Variants in PTP4A3 observed in about 807,000 individuals in gnomAD.
The protein encoded by PTP4A3 is protein tyrosine phosphatase type IVA 3.
PTP4A3 carries 9 observed loss-of-function variants against 15.2 expected under a neutral mutation model. That is an observed-to-expected ratio of 0.59 (90% confidence interval 0.36 to 1.03). PTP4A3 has a LOEUF of 1.03. PTP4A3 is among the 50% of genes least tolerant of loss of function. PTP4A3 has a pLI of 0.02. For missense variants in PTP4A3, 234 were observed against 252.1 expected, an observed-to-expected ratio of 0.93 and a Z score of 0.49; for synonymous variants, 95 against 102.0, an observed-to-expected ratio of 0.93 and a Z score of 0.41.
chr8:141,431,507 A>C lies in PTP4A3; in HGVS notation c.*463A>C. The C allele has an allele frequency of 6.4e-6, 1 of 156,018 alleles. No homozygotes were observed. Among genetic ancestry groups the C allele is most frequent in the Non-Finnish European group, 1.4e-5 (1 of 70,742 alleles). The allele number at this position is 156,018 out of a possible 1,614,324, so 9.7% of individuals were successfully genotyped here. On this transcript the variant is annotated 3_prime_UTR_variant, in exon 6 of 6. Transcript: ENST00000521578. ...GTGCTCCGGACACCCGAAGGCAATA[A>C]AACAGGAGCCGTGGCCGTGTGTGTG... is the stretch of plus-strand genomic sequence containing the variant.
chr8:141,407,228 C>A (rs1205778419), intron 1 of PTP4A3, among the ~76,000 whole-genome samples: 1 of 152,248 alleles, frequency 6.6e-6, no homozygotes, highest in Non-Finnish European at 1.5e-5. Context: ...CACCTCCAGT[C>A]CCTCTCCTGC....
At chr8:141,403,273 C>T (rs1033913485) in intron 1 of PTP4A3, among the ~76,000 whole-genome samples, 10 of 152,168 alleles carry the variant, frequency 6.6e-5, no homozygotes, top group African/African-American at 2.4e-4. Context: ...GGCTGGGCAC[C>T]GTGTGTGCCG....
chr8:141,414,078 G>GTGTGCAGA (rs1204072113), intron 1 of PTP4A3, among the ~76,000 whole-genome samples: 1 of 152,232 alleles, frequency 6.6e-6, no homozygotes, highest in Non-Finnish European at 1.5e-5. Context: ...GTGTGTGTGT[G>GTGTGCAGA]TGTGTGCACG....
rs552538779 is a variant in PTP4A3, at chr8:141,397,683, G to A, written c.-854+5599G>A. 3.9e-5 allele frequency among the ~76,000 whole-genome samples: 6 copies of A among 152,342 alleles called. No homozygotes were observed. In the East Asian group the frequency reaches 9.6e-4, roughly 24 times the overall value. On this transcript the variant is annotated intron_variant, in intron 1 of 5. Transcript: ENST00000521578. ...AGTGCCTCGGTGGCTGTGGAGCCTG[G>A]TTTCGACCTCTTTGGGACCAGTGTT...
At chr8:141,416,939 C>T (rs1255774339) in intron 1 of PTP4A3, among the ~76,000 whole-genome samples, 1 of 152,110 alleles carries the variant, frequency 6.6e-6, no homozygotes, top group Non-Finnish European at 1.5e-5. Flanking sequence ...GCAAGCAGGG[C>T]CACACCTCCA....
intron 1 of PTP4A3, among the ~76,000 whole-genome samples, chr8:141,405,677 G>T (rs1314306750): frequency 3.3e-5 from 5 of 152,130 alleles, no homozygotes; most frequent in Admixed American, 6.6e-5. Flanking sequence ...GCTGTGGCCG[G>T]TCTCTTGTCC....
chr8:141,424,711 C>G (rs1833486034), intron 2 of PTP4A3, among the ~76,000 whole-genome samples: 1 of 152,142 alleles, frequency 6.6e-6, no homozygotes, highest in South Asian at 2.1e-4. Context: ...TTTGCCTCTG[C>G]TGGGTGGCCC....
rs978823649 is a variant in PTP4A3, at chr8:141,425,123, G to A, written c.181G>A (p.Asp61Asn). Reference protein sequence around the residue: ...VTYDKTPLEKDGITVVDWPFD... With the variant: ...VTYDKTPLEKNGITVVDWPFD... Reference sequence around the variant, plus strand: ...CTATGACAAAACGCCGCTGGAGAAGGATGGCATCACCGTTGTGGTGAGGCG... The same window carrying A: ...CTATGACAAAACGCCGCTGGAGAAGAATGGCATCACCGTTGTGGTGAGGCG... The change falls in exon 3 of 6, where the codon GAT (aspartate) becomes AAT (asparagine). Residue 61 changes from aspartate to asparagine, a missense_variant. By Grantham distance (23) the Asp-to-Asn change is conservative. Coordinates refer to ENST00000521578, the MANE Select transcript of PTP4A3 (RefSeq NM_032611.3). This position sits in a 1 kb window ranked among gnomAD's most constrained non-coding sequence, Gnocchi z 4.2. 5 of 1,589,770 alleles carry A rather than the reference G, an allele frequency of 3.1e-6. No homozygotes were observed. The African/African-American group carries it at 5.4e-5, about 17-fold the overall frequency.
Position 141,431,272 on chromosome 8 carries a change from T to TGGCG in PTP4A3, c.*230_*233dup, listed in dbSNP as rs1346309992. On this transcript the variant is annotated 3_prime_UTR_variant, in exon 6 of 6. Coordinates refer to ENST00000521578, the MANE Select transcript of PTP4A3 (RefSeq NM_032611.3). Reference sequence around the variant, plus strand: ...TTTCTCCTGTCTCCGCCACTCCCTCTGGCGGCGCTGGCCGTGGCTCTGTCT... The same window carrying TGGCG: ...TTTCTCCTGTCTCCGCCACTCCCTCTGGCGGGCGGCGCTGGCCGTGGCTCTGTCT... 1 of 565,756 alleles carries TGGCG rather than the reference T, an allele frequency of 1.8e-6. No homozygotes were observed. Among genetic ancestry groups the TGGCG allele is most frequent in the African/African-American group, 1.9e-5 (1 of 52,916 alleles). 35.0% of individuals were successfully genotyped at this position (565,756 alleles called of 1,614,324 possible).
chr8:141,410,577 G>A (rs1832844414), intron 1 of PTP4A3, among the ~76,000 whole-genome samples: 1 of 152,210 alleles, frequency 6.6e-6, no homozygotes, highest in Non-Finnish European at 1.5e-5. Flanking sequence ...TCTTGGAAAG[G>A]GTAATAATGT....
intron 1 of PTP4A3, among the ~76,000 whole-genome samples, chr8:141,418,320 C>T (rs977157128): frequency 9.9e-5 from 15 of 152,222 alleles, no homozygotes; most frequent in Admixed American, 7.8e-4. Context: ...ATTCAAACTT[C>T]TTAAGCTGCT....
chr8:141,392,846 T>C (rs1440727310), intron 1 of PTP4A3, among the ~76,000 whole-genome samples: 2 of 152,200 alleles, frequency 1.3e-5, no homozygotes, highest in African/African-American at 2.4e-5. Context: ...CCCTCTGTGA[T>C]AGCGGCTCCA....
At chr8:141,426,676 A>G in intron 3 of PTP4A3, 2 of 985,284 alleles carry the variant, frequency 2.0e-6, no homozygotes, top group Non-Finnish European at 2.4e-6. Flanking sequence ...TCTATTCAGA[A>G]AGGGGTGGGG....
At position 141,425,951 on chromosome 8, in the gene PTP4A3, C is replaced by T. The variant is rs1245557171; in HGVS notation, c.198+811C>T. ...ACTCCGAGCCTTGGGTTCCTCACCT[C>T]AAAGCGAGGCTGCTTGGAAGAATGG... On this transcript the variant is annotated intron_variant, in intron 3 of 5. Coordinates refer to ENST00000521578, the MANE Select transcript of PTP4A3 (RefSeq NM_032611.3). This position sits in a 1 kb window ranked among gnomAD's most constrained non-coding sequence, Gnocchi z 4.2. Among the ~76,000 whole-genome samples the T allele has an allele frequency of 2.6e-5, 4 of 152,210 alleles. No homozygotes were observed. The highest frequency in any genetic ancestry group is 2.4e-5 in the African/African-American group (1 of 41,456).
intron 1 of PTP4A3, among the ~76,000 whole-genome samples, chr8:141,409,478 C>T (rs185226533): frequency 2.0e-5 from 3 of 152,306 alleles, no homozygotes; most frequent in Admixed American, 6.5e-5. Context: ...ACCTCCTGCC[C>T]ACCCCTTCTG....
chr8:141,412,582 G>C (rs970641884), intron 1 of PTP4A3, among the ~76,000 whole-genome samples: 14 of 152,206 alleles, frequency 9.2e-5, no homozygotes, highest in African/African-American at 3.1e-4. Flanking sequence ...CCTCTTCTCC[G>C]TGGAGAGGCC....
chr8:141,427,348 C>T (rs963196280), intron 4 of PTP4A3, among the ~76,000 whole-genome samples: 7 of 152,162 alleles, frequency 4.6e-5, no homozygotes, highest in Non-Finnish European at 7.4e-5. Context: ...ACACAAAGAT[C>T]CCCCCACACA....
rs192934972 is a variant in PTP4A3, at chr8:141,412,365, C to T, written c.-853-9023C>T. Among the ~76,000 whole-genome samples, 50 of 152,228 alleles carry T rather than the reference C, an allele frequency of 3.3e-4. 1 individual carries two copies. Among genetic ancestry groups the T allele is most frequent in the South Asian group, 1.9e-3 (9 of 4,822 alleles). On this transcript the variant is annotated intron_variant, in intron 1 of 5. Coordinates refer to ENST00000521578, the MANE Select transcript of PTP4A3 (RefSeq NM_032611.3). ...AAGTGAGCATGGGTGGCTGGGTGGGCGTGAGGGATTGGCTCCCCTGCTAGA... is the reference window on the plus strand; with the variant it reads ...AAGTGAGCATGGGTGGCTGGGTGGGTGTGAGGGATTGGCTCCCCTGCTAGA...
In PTP4A3 at chr8:141,425,107, A is replaced by G; in HGVS notation, c.165A>G (p.Lys55=). Residue 55 remains lysine (K), a synonymous_variant, in exon 3 of 6, where the codon AAA becomes AAG. Transcript: ENST00000521578. The surrounding 1 kb of genome is among the most constrained non-coding windows in gnomAD (Gnocchi z 4.2). ...GTGTGTGTGAAGTGACCTATGACAAAACGCCGCTGGAGAAGGATGGCATCA... is the reference window on the plus strand; with the variant it reads ...GTGTGTGTGAAGTGACCTATGACAAGACGCCGCTGGAGAAGGATGGCATCA... The part of the protein sequence containing the change: ...VVRVCEVTYD[K]TPLEKDGITV... 1 of 1,520,540 alleles carries G rather than the reference A, an allele frequency of 6.6e-7. No individual in the cohort carries two copies. Among genetic ancestry groups the G allele is most frequent in the Non-Finnish European group, 8.9e-7 (1 of 1,122,742 alleles). 94.2% of individuals were successfully genotyped at this position (1,520,540 alleles called of 1,614,324 possible). A position where few individuals can be genotyped will look rare whatever the true frequency, so the allele number is the denominator to read the frequency against.
Sources: gnomAD v4.1 joint callset for allele counts (sites outside exome capture counted in the v4.1 genomes callset) on GRCh38, gnomAD v4.1.1 for gene constraint, Gnocchi (gnomAD v3.1) non-coding constraint, MANE v1.5 for transcripts, NCBI Gene and HGNC (gene_info 2026-07-23, HGNC 2026-07-21) for gene names.